Variants in TREM1 observed in about 807,000 individuals in gnomAD.
TREM1 encodes triggering receptor expressed on monocytes 1.
A neutral mutation model predicts 22.4 loss-of-function variants in TREM1; 16 were observed. That is an observed-to-expected ratio of 0.71 (90% CI 0.48 to 1.08). The LOEUF is 1.08. Among genes scored for constraint, TREM1 ranks in the 50% least tolerant of loss-of-function variants. TREM1 has a pLI of 0.00. For synonymous variants in TREM1, 110 were observed against 111.6 expected, an observed-to-expected ratio of 0.99 and a Z score of 0.09; for missense variants, 283 against 282.9, an observed-to-expected ratio of 1.00 and a Z score of 0.00.
In TREM1 at chr6:41,274,837, TACATTTACCTAACATGAG is replaced by T. The variant is rs1169237128; in HGVS notation, c.*1270_*1287del. Among the ~76,000 whole-genome samples, 1 of 152,048 alleles carries T rather than the reference TACATTTACCTAACATGAG, an allele frequency of 6.6e-6. No individual in the cohort carries two copies. The highest frequency in any genetic ancestry group is 1.5e-5 in the Non-Finnish European group (1 of 68,016). Reference sequence around the variant, plus strand: ...ACAGAAGTGGTGCTCATTGTAAAAATACATTTACCTAACATGAGACACACGGTATGTGTGGAAAAGTAT... The same window carrying T: ...ACAGAAGTGGTGCTCATTGTAAAAATACACACGGTATGTGTGGAAAAGTAT... On this transcript the variant is annotated 3_prime_UTR_variant, in exon 4 of 4. Transcript: ENST00000244709.
At chr6:41,271,694 G>T (rs1424257103), downstream of TREM1, among the ~76,000 whole-genome samples, 2 of 152,152 alleles carry the variant, frequency 1.3e-5, no homozygotes, top group African/African-American at 4.8e-5. Context: ...GCAGTAGAGG[G>T]ACCTCCAGCT....
At chr6:41,284,208 T>G (rs1360621143) in intron 1 of TREM1, among the ~76,000 whole-genome samples, 1 of 152,134 alleles carries the variant, frequency 6.6e-6, no homozygotes, top group African/African-American at 2.4e-5. Flanking sequence ...CTAGACATTT[T>G]TGGTTGTTAT....
chr6:41,278,853 T>C (rs1422514069), intron 3 of TREM1, among the ~76,000 whole-genome samples: 2 of 151,978 alleles, frequency 1.3e-5, no homozygotes, highest in Non-Finnish European at 2.9e-5. Context: ...GTAAGACCAA[T>C]TCATGCTGAA....
intron 2 of TREM1, 69 bp from the exon 3 acceptor site, chr6:41,281,222 G>T (rs548690411): frequency 1.4e-6 from 2 of 1,469,274 alleles, no homozygotes; most frequent in Non-Finnish European, 9.2e-7. Flanking sequence ...GTGGGTGAAT[G>T]GATGTATGGA....
intron 3 of TREM1, chr6:41,268,226 C>T (rs560634799): frequency 4.8e-5 from 19 of 396,900 alleles, no homozygotes; most frequent in South Asian, 4.3e-4. Context: ...GTACGGGATG[C>T]TGCTTCTCTG....
chr6:41,267,894 T>A (rs925767065), downstream of TREM1: 3 of 398,390 alleles, frequency 7.5e-6, no homozygotes, highest in Admixed American at 8.8e-5. Context: ...AAACACAGCA[T>A]GTTTGCATTT....
chr6:41,281,341 C>T (rs760076773), intron 2 of TREM1, 188 bp from the exon 3 acceptor site: 5 of 658,516 alleles, frequency 7.6e-6, no homozygotes, highest in Non-Finnish European at 1.2e-5. Context: ...TTTGCTAAAG[C>T]CAAAGAAATA....
chr6:41,280,461 G>T, intron 3 of TREM1: 6 of 1,006,076 alleles, frequency 6.0e-6, no homozygotes, highest in Non-Finnish European at 7.1e-6. Context: ...ACTGCATTTA[G>T]CCCCAGCTCC....
rs2113973441 is a variant in TREM1 at position 41,274,370 on chromosome 6, G to T, written c.*1755C>A. Reference sequence around the variant, plus strand: ...CCTCTGAAAAACATTGCCCTCATGTGTTCTGCCTCTCCTAGAGTGTATTTA... The same window carrying T: ...CCTCTGAAAAACATTGCCCTCATGTTTTCTGCCTCTCCTAGAGTGTATTTA... On this transcript the variant is annotated 3_prime_UTR_variant, in exon 4 of 4. Coordinates refer to ENST00000244709, the MANE Select transcript of TREM1 (RefSeq NM_018643.5). Among the ~76,000 whole-genome samples the T allele has an allele frequency of 6.6e-6, 1 of 152,250 alleles. No individual in the cohort carries two copies. The highest frequency in any genetic ancestry group is 1.9e-4 in the East Asian group (1 of 5,162).
At chr6:41,286,557 G>A (rs759284524) in intron 1 of TREM1, 50 bp downstream of exon 1, 11 of 1,605,400 alleles carry the variant, frequency 6.9e-6, no homozygotes, top group Admixed American at 1.7e-5. Flanking sequence ...AGGGCTCCCC[G>A]AGATCCTGGA....
downstream of TREM1, among the ~76,000 whole-genome samples, chr6:41,269,444 C>T (rs990226785): frequency 1.3e-5 from 2 of 152,222 alleles, no homozygotes; most frequent in Admixed American, 6.5e-5. Flanking sequence ...AGCTGCACCA[C>T]TTATCTGCAG....
At chr6:41,282,853 A>C in intron 1 of TREM1, 102 bp from the exon 2 acceptor site, 1 of 1,079,600 alleles carries the variant, frequency 9.3e-7, no homozygotes, top group Non-Finnish European at 1.3e-6. Flanking sequence ...CCAACCACCC[A>C]TATTTCAGAT....
Position 41,281,172 on chromosome 6 carries a change from G to A in TREM1, c.407-19C>T. ...GAAAAACCTGCAAGAAGACACATTGGATGGATGGATGGACAGATGGATGAT... is the reference window on the plus strand; with the variant it reads ...GAAAAACCTGCAAGAAGACACATTGAATGGATGGATGGACAGATGGATGAT... On this transcript the variant is annotated intron_variant, in intron 2 of 3. Coordinates refer to ENST00000244709, the MANE Select transcript of TREM1 (RefSeq NM_018643.5). The A allele has an allele frequency of 6.2e-7, 1 of 1,608,678 alleles. No homozygotes were observed. The highest frequency in any genetic ancestry group is 8.5e-7 in the Non-Finnish European group (1 of 1,176,356).
chr6:41,271,562 C>G (rs1767479683), downstream of TREM1, among the ~76,000 whole-genome samples: 1 of 152,220 alleles, frequency 6.6e-6, no homozygotes, highest in Non-Finnish European at 1.5e-5. Flanking sequence ...CTCCTCTGCA[C>G]AGTGAGTGAA....
downstream of TREM1, chr6:41,267,826 T>C (rs749209415): frequency 1.8e-5 from 7 of 396,732 alleles, no homozygotes; most frequent in Non-Finnish European, 2.7e-5. Flanking sequence ...GTCAACTCAG[T>C]TTGGTTACAT....
In TREM1 at chr6:41,282,622, T is replaced by C. The variant is rs758889455; in HGVS notation, c.179A>G (p.Asp60Gly). ...SSQKAWQIIRDGEMPKTLACT... is the reference protein window; with the variant it reads ...SSQKAWQIIRGGEMPKTLACT... ...TGCCAGGGTCTTGGGCATCTCTCCG[T>C]CCCTTATTATCTGCCAAGCTTTCTG... The change falls in exon 2 of 4, where the codon GAC (aspartate) becomes GGC (glycine). Residue 60 changes from aspartate to glycine, a missense_variant. By Grantham distance (94) the Asp-to-Gly change is moderately conservative. Transcript: ENST00000244709. 1 of 1,614,200 alleles carries C rather than the reference T, an allele frequency of 6.2e-7. No homozygotes were observed. Among genetic ancestry groups the C allele is most frequent in the Non-Finnish European group, 8.5e-7 (1 of 1,180,038 alleles).
intron 3 of TREM1, chr6:41,280,733 G>T: frequency 7.0e-7 from 1 of 1,438,048 alleles, no homozygotes; most frequent in Non-Finnish European, 9.1e-7. Flanking sequence ...AGGTTGCAAG[G>T]AAACAAAGAA....
At chr6:41,280,821 T>C (rs1189484272) in intron 3 of TREM1, 140 bp downstream of exon 3, 1 of 1,509,322 alleles carries the variant, frequency 6.6e-7, no homozygotes, top group African/African-American at 1.4e-5. Flanking sequence ...CCCTGGACAT[T>C]TCTACCCAGA....
At chr6:41,268,402 C>T (rs147391322) in intron 3 of TREM1, among the ~76,000 whole-genome samples, 61 of 152,356 alleles carry the variant, frequency 4.0e-4, no homozygotes, top group Non-Finnish European at 6.3e-4. Context: ...CTCAGTCTTT[C>T]TCAACCATTT....
Sources: allele counts gnomAD v4.1 joint callset (sites outside exome capture counted in the v4.1 genomes callset), GRCh38; gene constraint gnomAD v4.1.1; transcripts MANE v1.5; gene names NCBI Gene and HGNC (gene_info 2026-07-23, HGNC 2026-07-21).